ADARB2: variants seen among roughly 807,000 people sequenced by gnomAD.
ADARB2 encodes the protein inactive double-stranded RNA-specific editase B2.
ADARB2 carries 25 observed loss-of-function variants against 62.2 expected under a neutral mutation model. The observed-to-expected ratio is 0.40, with a 90% confidence interval of 0.29 to 0.56. ADARB2 has a LOEUF of 0.56. Ranked by LOEUF, ADARB2 falls within the 20% of genes least tolerant of loss-of-function variation. The probability of loss-of-function intolerance (pLI) is 0.43; values close to 1 mark genes in which losing one functional copy is unlikely to be tolerated. For missense variants in ADARB2, 1,071 were observed against 1,077.4 expected (o/e 0.99, Z 0.08); for synonymous variants, 572 against 500.8 (o/e 1.14, Z -1.90).
At chr10:1,519,801 G>A (rs1045674992) in intron 1 of ADARB2, among the ~76,000 whole-genome samples, 1 of 151,950 alleles carries the variant, frequency 6.6e-6, no homozygotes, top group African/African-American at 2.4e-5. Flanking sequence ...CCTTCGCCCT[G>A]CATGGATCTT....
intron 4 of ADARB2, among the ~76,000 whole-genome samples, chr10:1,254,006 C>T (rs140975038): frequency 1.8e-4 from 25 of 140,494 alleles, no homozygotes; most frequent in East Asian, 4.2e-4. Context: ...GGTTAGAATA[C>T]GGTGGGCTAT....
At chr10:1,633,568 C>CTATCTATCTATCTATCTA (rs1833874529) in intron 1 of ADARB2, among the ~76,000 whole-genome samples, 1 of 145,676 alleles carries the variant, frequency 6.9e-6, no homozygotes, top group Non-Finnish European at 1.5e-5. Flanking sequence ...ATCTATCTAT[C>CTATCTATCTATCTATCTA]TATCTATCTA....
At chr10:1,674,496 A>G (rs1477999797) in intron 1 of ADARB2, among the ~76,000 whole-genome samples, 2 of 152,266 alleles carry the variant, frequency 1.3e-5, no homozygotes, top group Admixed American at 1.3e-4. Flanking sequence ...AAGTCAGAAT[A>G]AAAAGCGTAT....
intron 1 of ADARB2, among the ~76,000 whole-genome samples, chr10:1,701,752 ACCAGGCG>A (rs1462141613): frequency 3.1e-4 from 13 of 41,470 alleles, no homozygotes; most frequent in African/African-American, 5.4e-4. Flanking sequence ...CCACCGGGAG[ACCAGGCG>A]CTAGTCAATA....
chr10:1,532,738 C>T (rs1048708819), intron 1 of ADARB2, among the ~76,000 whole-genome samples: 1 of 152,192 alleles, frequency 6.6e-6, no homozygotes, highest in African/African-American at 2.4e-5. Context: ...CTGGCTATGG[C>T]GCCGGGACTC....
At chr10:1,310,344 C>A (rs192252192) in intron 3 of ADARB2, among the ~76,000 whole-genome samples, 31 of 151,134 alleles carry the variant, frequency 2.1e-4, no homozygotes, top group African/African-American at 7.2e-4. Flanking sequence ...TGCTAACCTA[C>A]GAAGATGTTG....
At chr10:1,662,522 C>T (rs1416599022) in intron 1 of ADARB2, among the ~76,000 whole-genome samples, 2 of 152,214 alleles carry the variant, frequency 1.3e-5, no homozygotes, top group Non-Finnish European at 2.9e-5. Context: ...TTCTGACTCA[C>T]GGAACCATGA....
At chr10:1,442,351 C>A (rs1292587132) in intron 1 of ADARB2, among the ~76,000 whole-genome samples, 2 of 152,196 alleles carry the variant, frequency 1.3e-5, no homozygotes, top group Non-Finnish European at 2.9e-5. Context: ...CTGTGGAATT[C>A]ATGTCTTCAC....
At chr10:1,653,431 TCCCAGGAATGTTGGGGGG>T (rs1483339094) in intron 1 of ADARB2, among the ~76,000 whole-genome samples, 2 of 152,076 alleles carry the variant, frequency 1.3e-5, no homozygotes, top group East Asian at 1.9e-4. Context: ...CTCTGTGGGG[TCCCAGGAATGTTGGGGGG>T]CCCAGGAATG....
intron 1 of ADARB2, among the ~76,000 whole-genome samples, chr10:1,438,173 A>G (rs1830855269): frequency 2.0e-5 from 3 of 151,898 alleles, no homozygotes. Context: ...GGGGCTCCTG[A>G]GTCTCTCCCA....
intron 1 of ADARB2, among the ~76,000 whole-genome samples, chr10:1,659,323 G>A (rs964677750): frequency 6.6e-6 from 1 of 152,154 alleles, no homozygotes; most frequent in African/African-American, 2.4e-5. Context: ...GCCTGCCCCG[G>A]GCTCCTCTGC....
At position 1,391,000 on chromosome 10, in the gene ADARB2, C is replaced by T. The variant is rs2131865948; in HGVS notation, c.101-11840G>A. On this transcript the variant is annotated intron_variant, in intron 1 of 9. Coordinates refer to ENST00000381312, the MANE Select transcript of ADARB2 (RefSeq NM_018702.4). ...TGGATAGCCAACACCTGCTTTTTGG[C>T]TCACCCCCTGCCCCCTTAGTTGCCC... 1.3e-5 allele frequency among the ~76,000 whole-genome samples: 2 copies of T among 152,310 alleles called. 1 individual carries two copies. The highest frequency in any genetic ancestry group is 2.9e-5 in the Non-Finnish European group (2 of 68,020).
intron 1 of ADARB2, among the ~76,000 whole-genome samples, chr10:1,693,444 G>A (rs540418432): frequency 9.9e-5 from 15 of 152,284 alleles, no homozygotes; most frequent in Admixed American, 5.2e-4. Flanking sequence ...TTTTGTCATC[G>A]TCCTCATATA....
intron 1 of ADARB2, among the ~76,000 whole-genome samples, chr10:1,490,959 A>G (rs1831614434): frequency 6.6e-6 from 1 of 152,250 alleles, no homozygotes; most frequent in Non-Finnish European, 1.5e-5. Flanking sequence ...TGAAGTCCAC[A>G]TCATGGCAGG....
intron 1 of ADARB2, among the ~76,000 whole-genome samples, chr10:1,517,812 A>G (rs1832024418): frequency 6.6e-6 from 1 of 152,140 alleles, no homozygotes; most frequent in Admixed American, 6.5e-5. Flanking sequence ...CCAGGAAGTT[A>G]CTTAATTTTA....
At chr10:1,516,400 T>G (rs1832009693) in intron 1 of ADARB2, among the ~76,000 whole-genome samples, 1 of 152,182 alleles carries the variant, frequency 6.6e-6, no homozygotes, top group Non-Finnish European at 1.5e-5. Flanking sequence ...GCTTCCCACC[T>G]GCTTGTGACC....
chr10:1,578,284 C>A (rs751078285), intron 1 of ADARB2, among the ~76,000 whole-genome samples: 24 of 152,234 alleles, frequency 1.6e-4, no homozygotes, highest in Non-Finnish European at 2.9e-4. Context: ...ACACTCATCC[C>A]TGTTTTGAAT....
At chr10:1,544,024 A>C (rs1193850008) in intron 1 of ADARB2, among the ~76,000 whole-genome samples, 3 of 149,700 alleles carry the variant, frequency 2.0e-5, no homozygotes, top group East Asian at 2.0e-4. Flanking sequence ...CAAACAAAAA[A>C]AAAAACACAC....
At chr10:1,637,187 C>G (rs904027843) in intron 1 of ADARB2, among the ~76,000 whole-genome samples, 3 of 152,204 alleles carry the variant, frequency 2.0e-5, no homozygotes, top group African/African-American at 7.2e-5. Flanking sequence ...ACAAGTGGCT[C>G]TGCTCTAGCT....
Sources: gnomAD v4.1 joint callset for allele counts (sites outside exome capture counted in the v4.1 genomes callset) on GRCh38, gnomAD v4.1.1 for gene constraint, MANE v1.5 for transcripts, NCBI Gene and HGNC (gene_info 2026-07-23, HGNC 2026-07-21) for gene names.